The following SGCZ variants were observed in gnomAD, a reference collection of about 807,000 sequenced individuals.
The protein encoded by SGCZ is zeta-sarcoglycan.
SGCZ carries 40 observed loss-of-function variants against 41.3 expected under a neutral mutation model. That is an observed-to-expected ratio of 0.97 (90% CI 0.75 to 1.26). The LOEUF is 1.26. Ranked by LOEUF, SGCZ falls within the 50% of genes most tolerant of loss-of-function variation. SGCZ has a pLI of 0.00. For synonymous variants in SGCZ, 206 were observed against 137.5 expected, an observed-to-expected ratio of 1.50 and a Z score of -3.49; for missense variants, 552 against 369.8, an observed-to-expected ratio of 1.49 and a Z score of -4.04.
At chr8:15,160,391 G>C (rs58642726) in intron 1 of SGCZ, among the ~76,000 whole-genome samples, 3,100 of 152,154 alleles carry the variant, frequency 0.02, 92 homozygotes, top group African/African-American at 0.069. Context: ...TTTATCTTTT[G>C]ATAGACTCTT....
intron 1 of SGCZ, among the ~76,000 whole-genome samples, chr8:14,646,039 CT>C (rs1212840200): frequency 1.3e-5 from 2 of 151,626 alleles, no homozygotes; most frequent in Non-Finnish European, 2.9e-5. Flanking sequence ...AGATAGTTTC[CT>C]TTTTTATTTT....
intron 3 of SGCZ, among the ~76,000 whole-genome samples, chr8:14,270,019 C>T (rs1017572065): frequency 6.6e-6 from 1 of 152,066 alleles, no homozygotes; most frequent in Non-Finnish European, 1.5e-5. Context: ...TTTCATGGAA[C>T]ACCTTAACTT....
chr8:14,113,471 C>T (rs746341366), intron 5 of SGCZ, among the ~76,000 whole-genome samples: 1 of 152,026 alleles, frequency 6.6e-6, no homozygotes, highest in Non-Finnish European at 1.5e-5. Flanking sequence ...TATTCTTGCG[C>T]ACCACATGAT....
chr8:14,681,228 G>C (rs1285013076), intron 1 of SGCZ, among the ~76,000 whole-genome samples: 3 of 151,994 alleles, frequency 2.0e-5, no homozygotes, highest in South Asian at 2.1e-4. Flanking sequence ...CAATCAGCCT[G>C]AGGGAGGAAA....
At chr8:14,532,578 T>C (rs1803165653) in intron 2 of SGCZ, among the ~76,000 whole-genome samples, 1 of 151,682 alleles carries the variant, frequency 6.6e-6, no homozygotes, top group Non-Finnish European at 1.5e-5. Flanking sequence ...GGAATAGCAT[T>C]CCCTTCCTAG....
chr8:14,685,233 G>C (rs1808574477), intron 1 of SGCZ, among the ~76,000 whole-genome samples: 1 of 152,034 alleles, frequency 6.6e-6, no homozygotes. Flanking sequence ...AATTTAAATA[G>C]TAAAGGTATA....
intron 2 of SGCZ, among the ~76,000 whole-genome samples, chr8:14,464,241 A>T (rs1800983624): frequency 6.6e-6 from 1 of 151,348 alleles, no homozygotes; most frequent in African/African-American, 2.4e-5. Context: ...AAGCCATCAA[A>T]TCTGGGGCTT....
rs1448592692 is a variant in SGCZ at position 14,087,775 on chromosome 8, C to T, written c.*2668G>A. On this transcript the variant is annotated 3_prime_UTR_variant, in exon 8 of 8. Coordinates refer to ENST00000382080, the MANE Select transcript of SGCZ (RefSeq NM_139167.4). ...GAAAACGAGGACATTTGGGGCCATT[C>T]TTCTAAGCCTTCACAATAGGCTTGA... Among the ~76,000 whole-genome samples, 1 of 151,458 alleles carries T rather than the reference C, an allele frequency of 6.6e-6. No individual in the cohort carries two copies. Among genetic ancestry groups the T allele is most frequent in the East Asian group, 1.9e-4 (1 of 5,130 alleles).
At position 15,002,371 on chromosome 8, in the gene SGCZ, G is replaced by A. The variant is rs60072986; in HGVS notation, c.39+235214C>T. ...GCACGGTTGGTGCCTTCTGAGAAGA[G>A]AAGACATAGTAAGAATTTAATCATA... On this transcript the variant is annotated intron_variant, in intron 1 of 7. Coordinates refer to ENST00000382080, the MANE Select transcript of SGCZ (RefSeq NM_139167.4). Among the ~76,000 whole-genome samples the A allele has an allele frequency of 9.6e-3, 1,455 of 152,264 alleles. 15 individuals carry two copies. Among genetic ancestry groups the A allele is most frequent in the African/African-American group, 0.032 (1,337 of 41,540 alleles).
chr8:14,420,593 C>A (rs931652779), intron 2 of SGCZ, among the ~76,000 whole-genome samples: 1 of 151,982 alleles, frequency 6.6e-6, no homozygotes. Flanking sequence ...AAAATGATCC[C>A]GAGCTCTGAA....
intron 1 of SGCZ, among the ~76,000 whole-genome samples, chr8:14,982,897 A>T (rs1257693645): frequency 6.6e-6 from 1 of 152,192 alleles, no homozygotes; most frequent in African/African-American, 2.4e-5. Context: ...ACTATGTGCC[A>T]TTTTGCTATA....
intron 1 of SGCZ, among the ~76,000 whole-genome samples, chr8:15,166,663 G>T (rs1799674759): frequency 1.3e-5 from 2 of 152,072 alleles, no homozygotes; most frequent in African/African-American, 4.8e-5. Flanking sequence ...TCATAATTAA[G>T]GTTTATGTTA....
At chr8:14,990,024 T>A (rs181949303) in intron 1 of SGCZ, among the ~76,000 whole-genome samples, 2 of 152,308 alleles carry the variant, frequency 1.3e-5, no homozygotes, top group East Asian at 1.9e-4. Flanking sequence ...ATTTTAATTG[T>A]AAGCACTTTC....
At chr8:14,519,086 G>T (rs982733864) in intron 2 of SGCZ, among the ~76,000 whole-genome samples, 4 of 134,782 alleles carry the variant, frequency 3.0e-5, no homozygotes, top group Non-Finnish European at 4.7e-5. Context: ...AAAAAAAAAA[G>T]ACAGAGATAT....
rs193145816 is a variant in SGCZ at position 14,787,584 on chromosome 8, C to T, written c.40-232658G>A. On this transcript the variant is annotated intron_variant, in intron 1 of 7. Transcript: ENST00000382080. ...TCCAGCCGGGCGGGATACAGGTTCA[C>T]CCCTGTAATCCCAGCACTTTGGGGG... 5.0e-3 allele frequency among the ~76,000 whole-genome samples: 765 copies of T among 152,200 alleles called. 4 individuals are homozygous for T. Among genetic ancestry groups the T allele is most frequent in the Non-Finnish European group, 7.6e-3 (517 of 68,006 alleles).
intron 1 of SGCZ, among the ~76,000 whole-genome samples, chr8:15,110,832 G>C (rs1807021154): frequency 6.6e-6 from 1 of 152,164 alleles, no homozygotes; most frequent in African/African-American, 2.4e-5. Context: ...GCTGGGCATA[G>C]TGGCATGCAC....
At chr8:14,301,903 A>C (rs1801203029) in intron 3 of SGCZ, among the ~76,000 whole-genome samples, 1 of 152,156 alleles carries the variant, frequency 6.6e-6, no homozygotes, top group Admixed American at 6.6e-5. Flanking sequence ...TGAAAAAGAT[A>C]ATTTTGTAGC....
intron 2 of SGCZ, among the ~76,000 whole-genome samples, chr8:14,531,850 G>A (rs933485985): frequency 1.2e-4 from 19 of 152,014 alleles, no homozygotes; most frequent in African/African-American, 3.4e-4. Flanking sequence ...CATATGTAAG[G>A]AAGCAAGAGA....
intron 2 of SGCZ, among the ~76,000 whole-genome samples, chr8:14,338,211 G>A (rs1490150647): frequency 6.6e-6 from 1 of 152,112 alleles, no homozygotes; most frequent in Admixed American, 6.6e-5. Flanking sequence ...GCCTGAGAAA[G>A]GCTCAGACTC....
Sources: allele counts gnomAD v4.1 joint callset (sites outside exome capture counted in the v4.1 genomes callset), GRCh38; gene constraint gnomAD v4.1.1; transcripts MANE v1.5; gene names NCBI Gene and HGNC (gene_info 2026-07-23, HGNC 2026-07-21).